GARS1: variants seen among roughly 807,000 people sequenced by gnomAD.
GARS1 encodes the protein glycyl-tRNA synthetase 1.
GARS1 carries 46 observed loss-of-function variants against 86.4 expected under a neutral mutation model. The observed-to-expected ratio is 0.53, with a 90% CI of 0.42 to 0.68. The LOEUF is 0.68. Ranked by LOEUF, GARS1 falls within the 30% of genes least tolerant of loss-of-function variation. The pLI is 0.00. For missense variants in GARS1, 797 were observed against 915.6 expected (o/e 0.87, Z 1.67); for synonymous variants, 342 against 329.8 (o/e 1.04, Z -0.40).
At chr7:30,608,399 C>G (rs1284328196) in intron 6 of GARS1, among the ~76,000 whole-genome samples, 1 of 152,166 alleles carries the variant, frequency 6.6e-6, no homozygotes, top group East Asian at 1.9e-4. Context: ...CTTTAACTTT[C>G]TACTCTAGTA....
chr7:30,606,305 C>CTTTTTTT (rs35302357), intron 6 of GARS1, among the ~76,000 whole-genome samples: 1 of 127,510 alleles, frequency 7.8e-6, no homozygotes. Context: ...CATTGTTATT[C>CTTTTTTT]TTTTTTTTTT....
chr7:30,632,279 A>G lies in GARS1; in HGVS notation c.1936A>G (p.Lys646Glu). The change falls in exon 16 of 17, where the codon AAA becomes GAA. Residue 646 changes from lysine to glutamate, a missense_variant. Physicochemically the swap from Lys to Glu is moderately conservative, Grantham distance 56 (BLOSUM62 1). Around this residue, in one of 2 missense-constraint regions of GARS1, gnomAD observed 598 missense variants for 738.7 expected, o/e 0.81. Coordinates refer to ENST00000389266, the MANE Select transcript of GARS1 (RefSeq NM_002047.4). This position sits in a 1 kb window ranked among gnomAD's most constrained non-coding sequence, Gnocchi z 4.1. ...EALTRHGVSH[K>E]VDDSSGSIGR... ...CCTGACCAGGCATGGAGTATCTCAC[A>G]AAGTAGACGATTCCTCTGGGTCAAT... is the stretch of plus-strand genomic sequence containing the variant. 6.2e-7 allele frequency: 1 copy of G among 1,614,164 alleles called. No homozygotes were observed. Among genetic ancestry groups the G allele is most frequent in the Non-Finnish European group, 8.5e-7 (1 of 1,180,028 alleles).
intron 10 of GARS1, 67 bp downstream of exon 10, chr7:30,617,345 A>AT: frequency 6.5e-7 from 1 of 1,537,646 alleles, no homozygotes; most frequent in African/African-American, 1.4e-5. Context: ...TACCAAATGA[A>AT]TTTTTGTGCA....
At chr7:30,629,709 C>T (rs1481838850) in intron 14 of GARS1, among the ~76,000 whole-genome samples, 1 of 152,182 alleles carries the variant, frequency 6.6e-6, no homozygotes, top group Non-Finnish European at 1.5e-5. Flanking sequence ...ACTCTCTGCC[C>T]TAAAGTTGCA....
rs568127359 is a variant in GARS1 at position 30,625,324 on chromosome 7, G to A, written c.1614-910G>A. ...AGAGAATGCATGTGACACTGTGTATGTAATGGAACCTTGAATGCATGCACA... is the reference window on the plus strand; with the variant it reads ...AGAGAATGCATGTGACACTGTGTATATAATGGAACCTTGAATGCATGCACA... On this transcript the variant is annotated intron_variant, in intron 12 of 16. Transcript: ENST00000389266. Among the ~76,000 whole-genome samples the A allele has an allele frequency of 3.3e-5, 5 of 152,322 alleles. 1 individual carries two copies. The highest frequency in any genetic ancestry group is 1.3e-4 in the Admixed American group (2 of 15,298).
At chr7:30,610,613 G>A (rs1168739003) in intron 7 of GARS1, among the ~76,000 whole-genome samples, 6 of 152,160 alleles carry the variant, frequency 3.9e-5, no homozygotes, top group African/African-American at 1.4e-4. Context: ...CCAGTGGCAA[G>A]CCTTTCATTT....
At chr7:30,603,186 A>T in intron 5 of GARS1, 64 bp downstream of exon 5, 1 of 1,354,808 alleles carries the variant, frequency 7.4e-7, no homozygotes, top group Admixed American at 1.7e-5. Flanking sequence ...TTTCTCTCAG[A>T]TGTCTTTCAT....
chr7:30,617,411 C>T (rs1225069700), intron 10 of GARS1, 133 bp downstream of exon 10: 1 of 1,092,368 alleles, frequency 9.2e-7, no homozygotes, highest in East Asian at 2.6e-5. Flanking sequence ...CTGAGCAAAA[C>T]AGAAAAAGCA....
rs777787978 is a variant in GARS1, at chr7:30,622,282, G to A, written c.1468-35G>A. 9.9e-6 allele frequency: 16 copies of A among 1,613,266 alleles called. No homozygotes were observed. The East Asian group carries it at 3.3e-4, about 34-fold the overall frequency. On this transcript the variant is annotated intron_variant, in intron 11 of 16. Transcript: ENST00000389266. Reference sequence around the variant, plus strand: ...GCTCATTTTCTGAAATACTGAGGCAGTGCTGTAGTTTTGGATTCCTTGACT... The same window carrying A: ...GCTCATTTTCTGAAATACTGAGGCAATGCTGTAGTTTTGGATTCCTTGACT...
intron 11 of GARS1, 122 bp from the exon 12 acceptor site, chr7:30,622,195 C>T: frequency 8.7e-7 from 1 of 1,154,050 alleles, no homozygotes; most frequent in South Asian, 1.3e-5. Context: ...TCAGCATAAA[C>T]AGGATCTGGA....
At chr7:30,625,542 G>C (rs973738089) in intron 12 of GARS1, among the ~76,000 whole-genome samples, 9 of 152,084 alleles carry the variant, frequency 5.9e-5, no homozygotes, top group Non-Finnish European at 1.2e-4. Context: ...AAATCCAAAT[G>C]GATATTCAAA....
intron 6 of GARS1, among the ~76,000 whole-genome samples, chr7:30,606,356 A>G (rs1471798466): frequency 8.0e-6 from 1 of 125,136 alleles, no homozygotes; most frequent in African/African-American, 2.9e-5. Flanking sequence ...AAAACTTTCT[A>G]TCAACTATTT....
At position 30,622,558 on chromosome 7, in the gene GARS1, C is replaced by T. The variant is rs17159291; in HGVS notation, c.1613+96C>T. ...GAGATTAATTTCTTAAGATTTTTTG[C>T]AGGTAAGTACTGTATCTTGGCTGCA... On this transcript the variant is annotated intron_variant, in intron 12 of 16. Transcript: ENST00000389266. 58,326 of 1,433,694 alleles carry T rather than the reference C, an allele frequency of 0.041. 1,296 individuals carry two copies. Among genetic ancestry groups the T allele is most frequent in the African/African-American group, 0.075 (5,347 of 71,444 alleles). 88.8% of individuals were successfully genotyped at this position (1,433,694 alleles called of 1,614,324 possible). A position where few individuals can be genotyped will look rare whatever the true frequency, so the allele number is the denominator to read the frequency against.
At chr7:30,603,427 A>G in intron 5 of GARS1, 69 bp from the exon 6 acceptor site, 4 of 1,227,300 alleles carry the variant, frequency 3.3e-6, no homozygotes, top group Non-Finnish European at 4.8e-6. Flanking sequence ...TTAATTGTCT[A>G]GCATTGAAAC....
At chr7:30,621,700 C>T (rs537435281) in intron 11 of GARS1, 200 bp downstream of exon 11, 3 of 607,320 alleles carry the variant, frequency 4.9e-6, no homozygotes, top group Non-Finnish European at 8.8e-6. Flanking sequence ...TGTGCCCACT[C>T]AATGTTTGGC....
chr7:30,600,103 T>G (rs376792390), intron 3 of GARS1, 54 bp downstream of exon 3: 3 of 1,246,632 alleles, frequency 2.4e-6, no homozygotes, highest in South Asian at 2.4e-5. Flanking sequence ...TCTAATATTA[T>G]ACTTAAATCA....
intron 6 of GARS1, among the ~76,000 whole-genome samples, chr7:30,605,760 A>C (rs192537491): frequency 6.6e-6 from 1 of 152,314 alleles, no homozygotes; most frequent in East Asian, 1.9e-4. Context: ...AAAAGAGAAA[A>C]ATCCTTTAAA....
At chr7:30,630,423 C>A (rs1783212308) in intron 14 of GARS1, among the ~76,000 whole-genome samples, 1 of 151,688 alleles carries the variant, frequency 6.6e-6, no homozygotes, top group African/African-American at 2.4e-5. Flanking sequence ...TTCAAGTGAA[C>A]CTTTTGTACA....
intron 11 of GARS1, 106 bp downstream of exon 11, chr7:30,621,606 A>G: frequency 1.2e-6 from 1 of 848,300 alleles, no homozygotes; most frequent in Non-Finnish European, 2.1e-6. Flanking sequence ...GAGATGTTTT[A>G]GACACTGTAG....
Sources: allele counts gnomAD v4.1 joint callset (sites outside exome capture counted in the v4.1 genomes callset), GRCh38; gene constraint gnomAD v4.1.1; regional missense constraint gnomAD v4.1.1; non-coding constraint Gnocchi (gnomAD v3.1); transcripts MANE v1.5; gene names NCBI Gene and HGNC (gene_info 2026-07-23, HGNC 2026-07-21).